Variants in LHFPL3 observed in about 807,000 individuals in gnomAD.
The protein encoded by LHFPL3 is LHFPL tetraspan subfamily member 3 protein.
In LHFPL3, 5 loss-of-function variants were observed where a neutral mutation model predicts 19.3. The observed-to-expected ratio is 0.26, with a 90% CI of 0.14 to 0.54. The LOEUF (loss-of-function observed/expected upper bound fraction) is 0.54. LHFPL3 is among the 20% of genes least tolerant of loss of function. LHFPL3 has a pLI of 0.94. For synonymous variants in LHFPL3, 133 were observed against 126.2 expected, an observed-to-expected ratio of 1.05 and a Z score of -0.36; for missense variants, 249 against 307.4, an observed-to-expected ratio of 0.81 and a Z score of 1.42.
chr7:104,748,833 C>T (rs2116337349), intron 2 of LHFPL3, among the ~76,000 whole-genome samples: 1 of 152,330 alleles, frequency 6.6e-6, no homozygotes, highest in East Asian at 1.9e-4. Flanking sequence ...TCCTAAGTCT[C>T]TCGTTCTACC....
In LHFPL3 at chr7:104,760,402, G is replaced by A. The variant is rs191930805; in HGVS notation, c.682+23491G>A. On this transcript the variant is annotated intron_variant, in intron 2 of 2. Transcript: ENST00000424859. ...CTTCTTAATTAATTATTAAACATAAGTATAGCATTTTATTGTAATAGGGAA... is the reference window on the plus strand; with the variant it reads ...CTTCTTAATTAATTATTAAACATAAATATAGCATTTTATTGTAATAGGGAA... Among the ~76,000 whole-genome samples the A allele has an allele frequency of 4.0e-3, 607 of 152,238 alleles. 3 individuals carry two copies. The highest frequency in any genetic ancestry group is 7.5e-3 in the Non-Finnish European group (512 of 68,020).
intron 2 of LHFPL3, among the ~76,000 whole-genome samples, chr7:104,814,381 G>A (rs1169739893): frequency 6.6e-6 from 1 of 152,132 alleles, no homozygotes; most frequent in African/African-American, 2.4e-5. Flanking sequence ...AGGCCCTGGA[G>A]TGGGTTGCTC....
intron 1 of LHFPL3, among the ~76,000 whole-genome samples, chr7:104,729,901 C>T (rs934169027): frequency 6.6e-6 from 1 of 151,956 alleles, no homozygotes; most frequent in Non-Finnish European, 1.5e-5. Context: ...CCCACTCCCC[C>T]CACCCCACAA....
chr7:104,872,152 T>A, intron 2 of LHFPL3, among the ~76,000 whole-genome samples: 1 of 146,480 alleles, frequency 6.8e-6, no homozygotes, highest in African/African-American at 2.5e-5. Context: ...GCCTGGCCAA[T>A]ATGGTGAAAC....
chr7:104,480,361 A>T (rs1340984481), intron 1 of LHFPL3, among the ~76,000 whole-genome samples: 4 of 152,124 alleles, frequency 2.6e-5, no homozygotes, highest in Non-Finnish European at 5.9e-5. Flanking sequence ...TTTCCAGAAG[A>T]CAGAAAGTGG....
intron 1 of LHFPL3, among the ~76,000 whole-genome samples, chr7:104,535,268 G>A (rs892114565): frequency 2.0e-5 from 3 of 152,210 alleles, no homozygotes; most frequent in African/African-American, 7.2e-5. Context: ...ATAACTTGAT[G>A]AGAATTTGCC....
chr7:104,363,865 G>A (rs911149968), intron 1 of LHFPL3, among the ~76,000 whole-genome samples: 2 of 152,178 alleles, frequency 1.3e-5, no homozygotes, highest in East Asian at 3.8e-4. Context: ...GAGTCTCCCA[G>A]AATAGGTTTG....
intron 2 of LHFPL3, among the ~76,000 whole-genome samples, chr7:104,751,297 A>T (rs1454502487): frequency 6.6e-6 from 1 of 150,988 alleles, no homozygotes; most frequent in Non-Finnish European, 1.5e-5. Context: ...ACTTTTGAGC[A>T]ACATCTTGGA....
At chr7:104,742,952 A>G (rs781606665) in intron 2 of LHFPL3, among the ~76,000 whole-genome samples, 70 of 152,038 alleles carry the variant, frequency 4.6e-4, no homozygotes, top group Non-Finnish European at 7.4e-4. Context: ...CCCCATCTCT[A>G]TTAAAAATAC....
At chr7:104,570,857 A>G (rs909364438) in intron 1 of LHFPL3, among the ~76,000 whole-genome samples, 4 of 152,152 alleles carry the variant, frequency 2.6e-5, no homozygotes, top group Non-Finnish European at 5.9e-5. Flanking sequence ...AGTAAGCTCT[A>G]TGCTGCTTTC....
chr7:104,384,559 G>T (rs1042732541), intron 1 of LHFPL3, among the ~76,000 whole-genome samples: 2 of 151,844 alleles, frequency 1.3e-5, no homozygotes, highest in Non-Finnish European at 1.5e-5. Context: ...GGCCGAGGCG[G>T]GTGGATCACC....
At chr7:104,500,483 C>T (rs528741471) in intron 1 of LHFPL3, among the ~76,000 whole-genome samples, 27 of 152,108 alleles carry the variant, frequency 1.8e-4, no homozygotes, top group African/African-American at 5.8e-4. Context: ...TCTACGAAAC[C>T]GCAATTTCAG....
chr7:104,523,203 A>T (rs1794111959), intron 1 of LHFPL3, among the ~76,000 whole-genome samples: 1 of 152,100 alleles, frequency 6.6e-6, no homozygotes, highest in Non-Finnish European at 1.5e-5. Context: ...AATAATCTCC[A>T]CCATCCTAGA....
intron 1 of LHFPL3, among the ~76,000 whole-genome samples, chr7:104,595,488 C>T (rs1435916789): frequency 6.6e-6 from 1 of 152,224 alleles, no homozygotes; most frequent in Non-Finnish European, 1.5e-5. Context: ...CCTACTTTGA[C>T]ATGTCTCCCA....
At chr7:104,782,120 C>A (rs1351460304) in intron 2 of LHFPL3, among the ~76,000 whole-genome samples, 1 of 152,162 alleles carries the variant, frequency 6.6e-6, no homozygotes. Flanking sequence ...AATGACTGGG[C>A]TGGGCTGGAG....
At chr7:104,394,493 G>T (rs984510514) in intron 1 of LHFPL3, among the ~76,000 whole-genome samples, 8 of 152,114 alleles carry the variant, frequency 5.3e-5, no homozygotes, top group African/African-American at 1.7e-4. Flanking sequence ...AAAAGTAAAA[G>T]AAATCCTCTT....
intron 1 of LHFPL3, among the ~76,000 whole-genome samples, chr7:104,451,781 G>A (rs1426524077): frequency 6.6e-6 from 1 of 151,546 alleles, no homozygotes; most frequent in African/African-American, 2.4e-5. Context: ...GTCTCACTCT[G>A]CTGCTCAGGC....
intron 2 of LHFPL3, chr7:104,800,150 A>G (rs1790216450): frequency 6.6e-6 from 1 of 152,258 alleles, no homozygotes; most frequent in South Asian, 2.1e-4. Context: ...ACCTAAGGCT[A>G]ATGTTGCCTT....
intron 1 of LHFPL3, among the ~76,000 whole-genome samples, chr7:104,600,036 G>A (rs1790933516): frequency 6.6e-6 from 1 of 152,176 alleles, no homozygotes; most frequent in Non-Finnish European, 1.5e-5. Context: ...CTCAGATGAG[G>A]AAGTATGGCT....
Sources: gnomAD v4.1 joint callset for allele counts (sites outside exome capture counted in the v4.1 genomes callset) on GRCh38, gnomAD v4.1.1 for gene constraint, MANE v1.5 for transcripts, NCBI Gene and HGNC (gene_info 2026-07-23, HGNC 2026-07-21) for gene names.